The following BAP1 variants were observed in gnomAD, a reference collection of about 807,000 sequenced individuals.
BAP1 encodes BRCA1 associated deubiquitinase 1, also known as ubiquitin carboxyl-terminal hydrolase BAP1.
In BAP1, 16 loss-of-function variants were observed where a neutral mutation model predicts 77.2. The ratio of observed to expected loss-of-function variants is 0.21; its 90% CI spans 0.14 to 0.31. The LOEUF (loss-of-function observed/expected upper bound fraction) is 0.31. BAP1 is among the 10% of genes least tolerant of loss of function. The pLI, the probability that BAP1 is intolerant of heterozygous loss-of-function variation, is 1.00. For synonymous variants in BAP1, 362 were observed against 385.2 expected, an observed-to-expected ratio of 0.94 and a Z score of 0.71; for missense variants, 699 against 967.3, an observed-to-expected ratio of 0.72 and a Z score of 3.68.
In BAP1 at chr3:52,403,991, C is replaced by T; in HGVS notation, c.1251-97G>A. 1 of 1,315,530 alleles carries T rather than the reference C, an allele frequency of 7.6e-7. No homozygotes were observed. The highest frequency in any genetic ancestry group is 1.1e-6 in the Non-Finnish European group (1 of 927,998). The allele number at this position is 1,315,530 out of a possible 1,614,324, so 81.5% of individuals were successfully genotyped here. ...TTAAATACATCCCGACCTCCAGGGGCTGACCCTAAAACTCCTTATACTTGG... is the reference window on the plus strand; with the variant it reads ...TTAAATACATCCCGACCTCCAGGGGTTGACCCTAAAACTCCTTATACTTGG... On this transcript the variant is annotated intron_variant, in intron 12 of 16. Transcript: ENST00000460680. This position sits in a 1 kb window ranked among gnomAD's most constrained non-coding sequence, Gnocchi z 4.0.
chr3:52,405,691 C>T (rs1705133137), intron 10 of BAP1, 74 bp downstream of exon 10: 1 of 1,589,144 alleles, frequency 6.3e-7, no homozygotes, highest in Admixed American at 1.8e-5. Flanking sequence ...AAAGACTTTC[C>T]CTGTTTAGGC....
chr3:52,404,705 C>T, intron 11 of BAP1, 119 bp from the exon 12 acceptor site: 1 of 1,432,434 alleles, frequency 7.0e-7, no homozygotes, highest in Admixed American at 2.0e-5. Context: ...GGAACCCCTC[C>T]AGCTGTTCCA....
Position 52,402,847 on chromosome 3 carries a change from C to T in BAP1, c.1915G>A (p.Val639Met), listed in dbSNP as rs1294423914. The T allele has an allele frequency of 1.2e-6, 2 of 1,614,230 alleles. No individual in the cohort carries two copies. Among genetic ancestry groups the T allele is most frequent in the Admixed American group, 1.7e-5 (1 of 60,030 alleles). ...TCATAGTTTGCAATCTCAGCCTCCA[C>T]ACACTTCAGCAGTGCCAGCAGCTCC... ...PKELLALLKC[V>M]EAEIANYEAC... The change falls in exon 15 of 17, where the codon GTG becomes ATG. Residue 639 changes from valine (V) to methionine (M), a missense_variant. Around this residue, in one of 3 missense-constraint regions of BAP1, gnomAD observed 475 missense variants for 532.4 expected, o/e 0.89. Transcript: ENST00000460680. This position sits in a 1 kb window ranked among gnomAD's most constrained non-coding sequence, Gnocchi z 5.3.
intron 3 of BAP1, 33 bp from the exon 4 acceptor site, chr3:52,408,639 CA>C: frequency 2.5e-6 from 4 of 1,599,452 alleles, no homozygotes; most frequent in Non-Finnish European, 3.4e-6. Context: ...CCAGATCAGC[CA>C]AAGGGGAGAA....
At position 52,402,328 on chromosome 3, in the gene BAP1, C is replaced by T. The variant is rs765539314; in HGVS notation, c.2150G>A (p.Arg717Gln). 5.0e-6 allele frequency: 8 copies of T among 1,593,730 alleles called. No homozygotes were observed. Among genetic ancestry groups the T allele is most frequent in the Non-Finnish European group, 6.8e-6 (8 of 1,171,600 alleles). The change falls in exon 17 of 17, where the codon CGG becomes CAG. Residue 717 changes from arginine (R) to glutamine (Q), a missense_variant. Arg to Gln is a conservative substitution (Grantham distance 43). Coordinates refer to ENST00000460680, the MANE Select transcript of BAP1 (RefSeq NM_004656.4). This position sits in a 1 kb window ranked among gnomAD's most constrained non-coding sequence, Gnocchi z 5.3. ...CTTGTAGGGGCGAGAGCGTTTCCGC[C>T]GGTCAGGCTTCCGCTGCTTGTGGAG... ...GRLHKQRKPD[R>Q]RKRSRPYKAK...
At position 52,409,537 on chromosome 3, in the gene BAP1, G is replaced by A. The variant is rs1705289609; in HGVS notation, c.122+17C>T. ...CACTCTGGGTGTAAGGGGCAGCCCT[G>A]GTGTACAGCCACTCACCCCTGACAT... On this transcript the variant is annotated intron_variant, in intron 3 of 16. Coordinates refer to ENST00000460680, the MANE Select transcript of BAP1 (RefSeq NM_004656.4). 6.2e-7 allele frequency: 1 copy of A among 1,613,912 alleles called. No individual in the cohort carries two copies. The highest frequency in any genetic ancestry group is 2.2e-5 in the East Asian group (1 of 44,892).
Position 52,405,761 on chromosome 3 carries a change from G to C in BAP1, c.931+4C>G, listed in dbSNP as rs1559589067. On this transcript the variant is annotated splice_donor_region_variant and intron_variant, in intron 10 of 16. Transcript: ENST00000460680. The stretch of plus-strand genomic sequence containing the variant: ...TCCACAAGAGGTCCCAAACCCCCCA[G>C]TACCTGTGTGGTTGCCCTCAGAGGC... 1 of 1,612,952 alleles carries C rather than the reference G, an allele frequency of 6.2e-7. No individual in the cohort carries two copies. Among genetic ancestry groups the C allele is most frequent in the Middle Eastern group, 2.0e-4 (1 of 5,074 alleles).
At chr3:52,409,773 T>A (rs779209658) in intron 1 of BAP1, 30 bp from the exon 2 acceptor site, 2 of 1,613,416 alleles carry the variant, frequency 1.2e-6, no homozygotes, top group Non-Finnish European at 1.7e-6. Flanking sequence ...GAGGGGGTGA[T>A]GGTCAGGCAG....
rs2153226698 is a variant in BAP1, at chr3:52,403,662, T to G, written c.1483A>C (p.Thr495Pro). ...SPTPSNESTD[T>P]ASEIGSAFNS... ...AAAGCACTGCCGATCTCAGAGGCCG[T>G]GTCTGTACTCTCATTGCTGGGGGTG... Residue 495 changes from threonine (T) to proline (P), a missense_variant, in exon 13 of 17, where the codon ACG becomes CCG. Coordinates refer to ENST00000460680, the MANE Select transcript of BAP1 (RefSeq NM_004656.4). The surrounding 1 kb of genome is among the most constrained non-coding windows in gnomAD (Gnocchi z 4.0). The G allele has an allele frequency of 6.2e-7, 1 of 1,613,808 alleles. No homozygotes were observed. Among genetic ancestry groups the G allele is most frequent in the East Asian group, 2.2e-5 (1 of 44,876 alleles).
chr3:52,406,890 C>T lies in BAP1; in HGVS notation c.598G>A (p.Glu200Lys), dbSNP rs867342588. 1.9e-6 allele frequency: 3 copies of T among 1,571,162 alleles called. No individual in the cohort carries two copies. Among genetic ancestry groups the T allele is most frequent in the African/African-American group, 1.4e-5 (1 of 73,902 alleles). Residue 200 changes from glutamate (E) to lysine (K), a missense_variant, in exon 8 of 17, where the codon GAG (glutamate) becomes AAG (lysine). Glu to Lys is a moderately conservative substitution (Grantham distance 56). Around this residue, in one of 3 missense-constraint regions of BAP1, gnomAD observed 160 missense variants for 322.8 expected, o/e 0.50. Transcript: ENST00000460680. The surrounding 1 kb of genome is among the most constrained non-coding windows in gnomAD (Gnocchi z 4.6). The part of the protein sequence containing the change: ...PIDHGPWGED[E>K]EWTDKARRVI... ...CGCCGGGCCTTGTCTGTCCACTCCTCGTCCTCCCCCCAGGGCCCTAGTGGA... is the reference window on the plus strand; with the variant it reads ...CGCCGGGCCTTGTCTGTCCACTCCTTGTCCTCCCCCCAGGGCCCTAGTGGA...
rs116604051 is a variant in BAP1 at position 52,403,171 on chromosome 3, G to A, written c.1857C>T (p.Gly619=). The change falls in exon 14 of 17, where the codon GGC becomes GGT. Residue 619 remains glycine (G), a synonymous_variant. Coordinates refer to ENST00000460680, the MANE Select transcript of BAP1 (RefSeq NM_004656.4). The surrounding 1 kb of genome is among the most constrained non-coding windows in gnomAD (Gnocchi z 4.0). ...SREKTGMVRP[G]EPLSGEKYSP... is the part of the protein sequence containing the mutation. The stretch of plus-strand genomic sequence containing the variant: ...AGTATTTCTCCCCACTCAAGGGCTC[G>A]CCAGGCCTCACCATCCCCGTCTTCT... The A allele has an allele frequency of 6.2e-6, 10 of 1,613,940 alleles. No homozygotes were observed. The highest frequency in any genetic ancestry group is 2.7e-5 in the African/African-American group (2 of 75,036).
In BAP1 at chr3:52,402,262, G is replaced by C. The variant is rs748962519; in HGVS notation, c.*26C>G. ...TGGTGAGGGCCACACGGCAAGAGTG[G>C]GCTGCAGAGTCAGGGCCAGCAGTCC... On this transcript the variant is annotated 3_prime_UTR_variant, in exon 17 of 17. Coordinates refer to ENST00000460680, the MANE Select transcript of BAP1 (RefSeq NM_004656.4). This position sits in a 1 kb window ranked among gnomAD's most constrained non-coding sequence, Gnocchi z 5.3. 6.3e-7 allele frequency: 1 copy of C among 1,598,288 alleles called. No homozygotes were observed. The highest frequency in any genetic ancestry group is 8.5e-7 in the Non-Finnish European group (1 of 1,174,352).
At position 52,407,878 on chromosome 3, in the gene BAP1, A is replaced by G. The variant is rs1705215909; in HGVS notation, c.375+80T>C. The G allele has an allele frequency of 8.1e-6, 13 of 1,596,336 alleles. No individual in the cohort carries two copies. In the South Asian group the frequency reaches 1.5e-4, roughly 18 times the overall value. On this transcript the variant is annotated intron_variant, in intron 5 of 16. Coordinates refer to ENST00000460680, the MANE Select transcript of BAP1 (RefSeq NM_004656.4). ...AAACAGCCTAATAGTACCCAATATC[A>G]TGTGGTAGCATTCCCAGTGGCCCTC...
chr3:52,405,521 A>AAAAACC, intron 10 of BAP1: 2 of 481,100 alleles, frequency 4.2e-6, no homozygotes, highest in Non-Finnish European at 3.5e-6. Context: ...AAAAAAAAAA[A>AAAAACC]CCGCCTCTAG....
chr3:52,405,674 C>G (rs2153227149), intron 10 of BAP1, 91 bp downstream of exon 10: 2 of 1,554,536 alleles, frequency 1.3e-6, no homozygotes, highest in Non-Finnish European at 1.7e-6. Context: ...CAAGGACATC[C>G]CCAGAAAAAG....
Position 52,406,936 on chromosome 3 carries a change from G to T in BAP1, c.581-29C>A, listed in dbSNP as rs1345673378. ...GTGGAGACCAAGACAAGGAATCAGC[G>T]AGAAGGAAACCCTGAGTTTGGGCAG... On this transcript the variant is annotated intron_variant, in intron 7 of 16. Coordinates refer to ENST00000460680, the MANE Select transcript of BAP1 (RefSeq NM_004656.4). This position sits in a 1 kb window ranked among gnomAD's most constrained non-coding sequence, Gnocchi z 4.6. The T allele has an allele frequency of 6.4e-7, 1 of 1,559,104 alleles. No homozygotes were observed. Among genetic ancestry groups the T allele is most frequent in the East Asian group, 2.4e-5 (1 of 41,742 alleles).
Position 52,406,838 on chromosome 3 carries a change from G to C in BAP1, c.650C>G (p.Ala217Gly), listed in dbSNP as rs1476935690. 1 of 1,557,034 alleles carries C rather than the reference G, an allele frequency of 6.4e-7. No homozygotes were observed. The highest frequency in any genetic ancestry group is 8.7e-7 in the Non-Finnish European group (1 of 1,149,808). The change falls in exon 8 of 17, where the codon GCC becomes GGC. Residue 217 changes from alanine (A) to glycine (G), a missense_variant. Ala to Gly is a moderately conservative substitution (Grantham distance 60, BLOSUM62 0). Transcript: ENST00000460680. The surrounding 1 kb of genome is among the most constrained non-coding windows in gnomAD (Gnocchi z 4.6). ...RRVIMERIGLATAGEPYHDIR... is the reference protein window; with the variant it reads ...RRVIMERIGLGTAGEPYHDIR... Reference sequence around the variant, plus strand: ...GGCACAGGGCCCTTACCCTGCAGTGGCGAGGCCGATACGCTCCATGATGAC... The same window carrying C: ...GGCACAGGGCCCTTACCCTGCAGTGCCGAGGCCGATACGCTCCATGATGAC...
rs1553644559 is a variant in BAP1 at position 52,402,408 on chromosome 3, G to A, written c.2070C>T (p.Asn690=). The change falls in exon 17 of 17, where the codon AAC becomes AAT. Residue 690 remains asparagine, a synonymous_variant. Transcript: ENST00000460680. This position sits in a 1 kb window ranked among gnomAD's most constrained non-coding sequence, Gnocchi z 5.3. ...GCACGGAGATGTTCTGCTCCACTAG[G>A]TTGGCCAGCATGCCTGCGAAGAGGT... The part of the protein sequence containing the change: ...SMLAQEGMLA[N]LVEQNISVRR... 6.4e-7 allele frequency: 1 copy of A among 1,567,952 alleles called. No homozygotes were observed.
rs1212837539 is a variant in BAP1 at position 52,406,270 on chromosome 3, G to A, written c.766C>T (p.Leu256=). The change falls in exon 9 of 17, where the codon CTA becomes TTA. Residue 256 remains leucine (L), a synonymous_variant. Coordinates refer to ENST00000460680, the MANE Select transcript of BAP1 (RefSeq NM_004656.4). This position sits in a 1 kb window ranked among gnomAD's most constrained non-coding sequence, Gnocchi z 4.6. ...GCACCTACCTGCTGCAGAGCCTCTA[G>A]TACTGTCTGACGGTTCACCTTCAGC... is the stretch of plus-strand genomic sequence containing the variant. ...HVLKVNRQTV[L]EALQQLIRVT... is the part of the protein sequence containing the mutation. 1 of 1,614,194 alleles carries A rather than the reference G, an allele frequency of 6.2e-7. No homozygotes were observed.
Sources: allele counts gnomAD v4.1 joint callset, GRCh38; gene constraint gnomAD v4.1.1; regional missense constraint gnomAD v4.1.1; non-coding constraint Gnocchi (gnomAD v3.1); transcripts MANE v1.5; gene names NCBI Gene and HGNC (gene_info 2026-07-23, HGNC 2026-07-21).